Variants in DNM3 observed in about 807,000 individuals in gnomAD.
DNM3 encodes the protein dynamin 3.
A neutral mutation model predicts 101.6 loss-of-function variants in DNM3; 47 were observed. That is an observed-to-expected ratio of 0.46 (90% CI 0.37 to 0.59). DNM3 has a LOEUF of 0.59. Ranked by LOEUF, DNM3 falls within the 20% of genes least tolerant of loss-of-function variation. DNM3 has a pLI of 0.00. For synonymous variants in DNM3, 385 were observed against 387.9 expected, an observed-to-expected ratio of 0.99 and a Z score of 0.09; for missense variants, 849 against 1,085.7, an observed-to-expected ratio of 0.78 and a Z score of 3.06.
chr1:172,358,041 C>A (rs2067538517), intron 17 of DNM3, among the ~76,000 whole-genome samples: 2 of 152,054 alleles, frequency 1.3e-5, no homozygotes. Context: ...TCTTTTCCTA[C>A]CTCCCACTCC....
rs930999562 is a variant in DNM3, at chr1:172,400,413, AAAGGAGGG to A, written c.2523-7346_2523-7339del. On this transcript the variant is annotated intron_variant, in intron 20 of 20. Transcript: ENST00000627582. The stretch of plus-strand genomic sequence containing the variant: ...GGGGGGATAGAAGGGAGATAGGAAG[AAAGGAGGG>A]AAGGAGGGAAGGGGCAGGAAAGGAG... Among the ~76,000 whole-genome samples the A allele has an allele frequency of 8.8e-4, 133 of 151,872 alleles. 1 individual carries two copies. The highest frequency in any genetic ancestry group is 2.9e-3 in the African/African-American group (120 of 41,416).
At chr1:172,276,410 T>TTC (rs1172858242) in intron 15 of DNM3, among the ~76,000 whole-genome samples, 1 of 152,072 alleles carries the variant, frequency 6.6e-6, no homozygotes, top group Admixed American at 6.6e-5. Flanking sequence ...TTTGCTAATA[T>TTC]TCTCTAAACA....
intron 14 of DNM3, among the ~76,000 whole-genome samples, chr1:172,219,377 C>CAAAAAAAA (rs58783160): frequency 1.6e-4 from 9 of 56,296 alleles, no homozygotes; most frequent in African/African-American, 3.0e-4. Flanking sequence ...TACCCTGTCT[C>CAAAAAAAA]AAAAAAAAAA....
intron 17 of DNM3, among the ~76,000 whole-genome samples, chr1:172,329,163 T>C (rs1381159492): frequency 6.6e-6 from 1 of 152,094 alleles, no homozygotes; most frequent in South Asian, 2.1e-4. Context: ...CTGTCTATCT[T>C]TGGCAGATCA....
chr1:172,015,593 ATGAT>A (rs2047398580), intron 4 of DNM3, among the ~76,000 whole-genome samples: 1 of 152,136 alleles, frequency 6.6e-6, no homozygotes, highest in Non-Finnish European at 1.5e-5. Flanking sequence ...ATATAGGAAA[ATGAT>A]TGACTTTTAT....
intron 2 of DNM3, among the ~76,000 whole-genome samples, chr1:171,933,225 C>T (rs370031540): frequency 1.1e-3 from 172 of 152,144 alleles, no homozygotes; most frequent in African/African-American, 3.8e-3. Flanking sequence ...CTCATGTGAC[C>T]GTAGACTTGG....
intron 14 of DNM3, among the ~76,000 whole-genome samples, chr1:172,167,999 AG>A (rs1298897523): frequency 3.3e-5 from 5 of 152,028 alleles, no homozygotes; most frequent in African/African-American, 1.2e-4. Flanking sequence ...TTCAGATAAA[AG>A]ACTACAAAGG....
At chr1:172,287,351 C>T (rs888831214) in intron 15 of DNM3, among the ~76,000 whole-genome samples, 38 of 152,290 alleles carry the variant, frequency 2.5e-4, no homozygotes, top group African/African-American at 8.9e-4. Flanking sequence ...AAGACCCCCA[C>T]AGTTATAACC....
chr1:171,882,704 C>T (rs1179728829), intron 1 of DNM3, among the ~76,000 whole-genome samples: 5 of 152,114 alleles, frequency 3.3e-5, no homozygotes, highest in Middle Eastern at 3.4e-3. Flanking sequence ...GGAATAATCT[C>T]GTAACTCCAT....
rs926752274 is a variant in DNM3 at position 171,984,455 on chromosome 1, G to A, written c.236-3201G>A. Among the ~76,000 whole-genome samples, 6 of 152,034 alleles carry A rather than the reference G, an allele frequency of 3.9e-5. No homozygotes were observed. The South Asian group carries it at 6.2e-4, about 16-fold the overall frequency. ...GGACCTGGCTGTCCCTCAACATGCC[G>A]AACACACATCTGCTTTAGGCACTCT... On this transcript the variant is annotated intron_variant, in intron 2 of 20. Coordinates refer to ENST00000627582, the MANE Select transcript of DNM3 (RefSeq NM_015569.5).
Position 172,409,306 on chromosome 1 carries a change from T to C in DNM3, c.*1465T>C. Reference sequence around the variant, plus strand: ...TCCCTTTGAAAGTAGCAAACATGATTTGTATGTTAACTTAACTTTAATTTC... The same window carrying C: ...TCCCTTTGAAAGTAGCAAACATGATCTGTATGTTAACTTAACTTTAATTTC... On this transcript the variant is annotated 3_prime_UTR_variant, in exon 21 of 21. Transcript: ENST00000627582. The C allele has an allele frequency of 1.0e-6, 1 of 985,290 alleles. No individual in the cohort carries two copies. Among genetic ancestry groups the C allele is most frequent in the Non-Finnish European group, 1.2e-6 (1 of 829,806 alleles). 61.0% of individuals were successfully genotyped at this position (985,290 alleles called of 1,614,324 possible). A position where few individuals can be genotyped will look rare whatever the true frequency, so the allele number is the denominator to read the frequency against.
At chr1:172,030,979 C>T (rs1202117866) in intron 4 of DNM3, among the ~76,000 whole-genome samples, 3 of 151,998 alleles carry the variant, frequency 2.0e-5, no homozygotes, top group Admixed American at 6.6e-5. Context: ...TCAACCATTG[C>T]GGAAGACAGT....
At chr1:172,293,735 C>A (rs1028091661) in intron 15 of DNM3, among the ~76,000 whole-genome samples, 1 of 152,124 alleles carries the variant, frequency 6.6e-6, no homozygotes, top group African/African-American at 2.4e-5. Context: ...GCCAAAGCCA[C>A]CAGAAGCCTT....
At chr1:171,861,219 G>A (rs1016338845) in intron 1 of DNM3, among the ~76,000 whole-genome samples, 1 of 152,094 alleles carries the variant, frequency 6.6e-6, no homozygotes, top group Admixed American at 6.6e-5. Flanking sequence ...AATTCCAGAT[G>A]CCATTTTTGT....
intron 14 of DNM3, among the ~76,000 whole-genome samples, chr1:172,200,460 G>T: frequency 6.6e-6 from 1 of 152,234 alleles, no homozygotes; most frequent in Middle Eastern, 3.4e-3. Context: ...CTCTAGCAAG[G>T]TTGGTGAAGT....
chr1:172,334,192 G>A (rs1367562078), intron 17 of DNM3, among the ~76,000 whole-genome samples: 1 of 152,156 alleles, frequency 6.6e-6, no homozygotes, highest in African/African-American at 2.4e-5. Context: ...AAATAGGAGA[G>A]TGTACTGAAT....
intron 14 of DNM3, among the ~76,000 whole-genome samples, chr1:172,205,978 T>C (rs1174408325): frequency 2.0e-5 from 3 of 152,136 alleles, no homozygotes; most frequent in Non-Finnish European, 4.4e-5. Context: ...TATCATGTGT[T>C]GGTCATTTGA....
chr1:172,286,713 G>A lies in DNM3; in HGVS notation c.1770-22015G>A, dbSNP rs563731764. Among the ~76,000 whole-genome samples, 10 of 152,236 alleles carry A rather than the reference G, an allele frequency of 6.6e-5. No individual in the cohort carries two copies. In the South Asian group the frequency reaches 2.1e-3, roughly 32 times the overall value. On this transcript the variant is annotated intron_variant, in intron 15 of 20. Transcript: ENST00000627582. ...CTGTCGCTTCCTCTTTAATCCATCT[G>A]GAACCAAAACCATCACCCTCCTTTC...
chr1:172,155,955 G>T (rs1294703151), intron 14 of DNM3, among the ~76,000 whole-genome samples: 2 of 152,068 alleles, frequency 1.3e-5, no homozygotes, highest in African/African-American at 4.8e-5. Context: ...GGAGCTAGAA[G>T]GCCTTGGTGT....
Sources: allele counts gnomAD v4.1 joint callset (sites outside exome capture counted in the v4.1 genomes callset), GRCh38; gene constraint gnomAD v4.1.1; transcripts MANE v1.5; gene names NCBI Gene and HGNC (gene_info 2026-07-23, HGNC 2026-07-21).